LITAF: variants seen among roughly 807,000 people sequenced by gnomAD.
LITAF encodes lipopolysaccharide-induced tumor necrosis factor-alpha factor.
Under a neutral mutation model 14.5 loss-of-function variants are expected in LITAF, and 9 were observed. The ratio of observed to expected loss-of-function variants is 0.62; its 90% CI spans 0.37 to 1.08. LITAF has a LOEUF of 1.08. Among genes scored for constraint, LITAF ranks in the 50% least tolerant of loss-of-function variants. LITAF has a pLI of 0.01. For missense variants in LITAF, 206 were observed against 213.4 expected (o/e 0.97, Z 0.22); for synonymous variants, 98 against 88.2 (o/e 1.11, Z -0.62).
chr16:11,622,431 G>T (rs2065056883), intron 3 of LITAF, among the ~76,000 whole-genome samples: 1 of 152,210 alleles, frequency 6.6e-6, no homozygotes, highest in Non-Finnish European at 1.5e-5. Context: ...TGGCTGGAGA[G>T]CCCCCGGGAA....
chr16:11,596,727 A>G (rs2064890921), intron 1 of LITAF, among the ~76,000 whole-genome samples: 1 of 89,472 alleles, frequency 1.1e-5, no homozygotes, highest in Non-Finnish European at 2.2e-5. Flanking sequence ...GGAGCGTGAG[A>G]GTGAAGGAGA....
At chr16:11,564,073 A>AT (rs911167837) in intron 1 of LITAF, among the ~76,000 whole-genome samples, 19 of 151,664 alleles carry the variant, frequency 1.3e-4, no homozygotes, top group Non-Finnish European at 2.7e-4. Context: ...AACCCAGCTA[A>AT]TTTTTTTGTA....
intron 3 of LITAF, among the ~76,000 whole-genome samples, chr16:11,625,990 G>A (rs1179852177): frequency 6.6e-6 from 1 of 152,092 alleles, no homozygotes; most frequent in Non-Finnish European, 1.5e-5. Flanking sequence ...GCTGAACAGT[G>A]GCAGAACCAG....
In LITAF at chr16:11,558,606, G is replaced by A. The variant is rs2064310160; in HGVS notation, c.-5-1871C>T. 6.6e-6 allele frequency among the ~76,000 whole-genome samples: 1 copy of A among 152,122 alleles called. No individual in the cohort carries two copies. The highest frequency in any genetic ancestry group is 1.5e-5 in the Non-Finnish European group (1 of 68,020). On this transcript the variant is annotated intron_variant, in intron 1 of 3. Coordinates refer to ENST00000622633, the MANE Select transcript of LITAF (RefSeq NM_001136472.2). This position sits in a 1 kb window ranked among gnomAD's most constrained non-coding sequence, Gnocchi z 4.1. ...ACCTGTAATCCCAGCTACTTAGGAG[G>A]CTGAGGCAGGAGGATTGCTTAATCC...
At chr16:11,593,078 G>C (rs994849160) in intron 1 of LITAF, among the ~76,000 whole-genome samples, 1 of 152,118 alleles carries the variant, frequency 6.6e-6, no homozygotes, top group African/African-American at 2.4e-5. Context: ...GGCTGAGGTA[G>C]GAGAATGGCA....
chr16:11,579,459 AAAAATAAAATAAAATAAAAT>A (rs57762611), intron 1 of LITAF, among the ~76,000 whole-genome samples: 31,064 of 110,238 alleles, frequency 0.28, 7,140 homozygotes, highest in African/African-American at 0.51. Context: ...CTCCGTCTCA[AAAAATAAAATAAAATAAAAT>A]AAAATAAAAT....
chr16:11,557,102 T>C (rs561107710), intron 1 of LITAF, among the ~76,000 whole-genome samples: 1 of 152,302 alleles, frequency 6.6e-6, no homozygotes, highest in African/African-American at 2.4e-5. Context: ...TTTTTGGTTT[T>C]TAAACCACTG....
intron 3 of LITAF, among the ~76,000 whole-genome samples, chr16:11,626,890 T>A (rs193009032): frequency 2.0e-5 from 3 of 152,202 alleles, no homozygotes; most frequent in African/African-American, 7.2e-5. Context: ...TCGCTCAGGA[T>A]GGAGTGCAGT....
intron 1 of LITAF, among the ~76,000 whole-genome samples, chr16:11,585,156 G>A (rs2064788358): frequency 6.6e-6 from 1 of 151,520 alleles, no homozygotes. Context: ...AGGTGGGGTG[G>A]GGAGGGTTAG....
chr16:11,610,576 A>T (rs1203579421), intron 3 of LITAF, among the ~76,000 whole-genome samples: 1 of 152,146 alleles, frequency 6.6e-6, no homozygotes, highest in East Asian at 1.9e-4. Flanking sequence ...GCCTTCCCAG[A>T]GTGCTCAGGT....
chr16:11,613,099 G>T (rs1327409778), intron 3 of LITAF, among the ~76,000 whole-genome samples: 1 of 152,124 alleles, frequency 6.6e-6, no homozygotes, highest in Non-Finnish European at 1.5e-5. Flanking sequence ...GAGTGCAGTG[G>T]TACAATGTCG....
At chr16:11,565,568 G>A (rs937076175) in intron 1 of LITAF, among the ~76,000 whole-genome samples, 8 of 151,850 alleles carry the variant, frequency 5.3e-5, no homozygotes, top group Non-Finnish European at 1.0e-4. Flanking sequence ...AGTCCATCCC[G>A]GGCCCGTTTG....
At position 11,553,555 on chromosome 16, in the gene LITAF, A is replaced by C; in HGVS notation, c.355T>G (p.Cys119Gly). The C allele has an allele frequency of 6.2e-7, 1 of 1,614,160 alleles. No homozygotes were observed. The highest frequency in any genetic ancestry group is 8.5e-7 in the Non-Finnish European group (1 of 1,180,008). ...CACCCCAGCAGGCACAGGCTCCCGC[A>C]GGACAGCCAGGTCAGAGCACCGGCG... ...YNAGALTWLS[C>G]GSLCLLGCIA... The change falls in exon 3 of 4, where the codon TGC becomes GGC. Residue 119 changes from cysteine to glycine, a missense_variant. Cys to Gly is a radical substitution (Grantham distance 159). Transcript: ENST00000622633. The surrounding 1 kb of genome is among the most constrained non-coding windows in gnomAD (Gnocchi z 7.7).
Position 11,606,760 on chromosome 16 carries a change from G to A in LITAF, c.85+26773C>T, listed in dbSNP as rs373519930. Among the ~76,000 whole-genome samples, 26 of 151,894 alleles carry A rather than the reference G, an allele frequency of 1.7e-4. No individual in the cohort carries two copies. The South Asian group carries it at 5.2e-3, about 30-fold the overall frequency. On this transcript the variant is annotated intron_variant, in intron 3 of 3. Transcript: ENST00000574848. ...ATCGAATTTCCTGCCTCAGCCTCCC[G>A]AGTAGCTGGGACTACAGGCCCCCAC...
chr16:11,600,505 G>C (rs887826895), upstream of LITAF, among the ~76,000 whole-genome samples: 2 of 152,206 alleles, frequency 1.3e-5, no homozygotes, highest in African/African-American at 4.8e-5. The surrounding 1 kb of genome is among the most constrained non-coding windows in gnomAD (Gnocchi z 4.1). Context: ...AAACCCAAAA[G>C]CCAAGCTAGA....
rs1421883075 is a variant in LITAF at position 11,549,406 on chromosome 16, C to A, written c.*231G>T. On this transcript the variant is annotated 3_prime_UTR_variant, in exon 4 of 4. Coordinates refer to ENST00000622633, the MANE Select transcript of LITAF (RefSeq NM_001136472.2). The surrounding 1 kb of genome is among the most constrained non-coding windows in gnomAD (Gnocchi z 4.6). ...CTCAGGGAGGCAGGAAACCGTGGAA[C>A]TGACACTCAAGGGGAATGTCTTTGC... 1.7e-6 allele frequency: 1 copy of A among 580,088 alleles called. No homozygotes were observed. Among genetic ancestry groups the A allele is most frequent in the Non-Finnish European group, 3.3e-6 (1 of 306,940 alleles). The allele number at this position is 580,088 out of a possible 1,614,324, so 35.9% of individuals were successfully genotyped here. A position where few individuals can be genotyped will look rare whatever the true frequency, so the allele number is the denominator to read the frequency against.
chr16:11,551,886 A>T (rs2064187752), intron 3 of LITAF: 3 of 466,772 alleles, frequency 6.4e-6, no homozygotes, highest in African/African-American at 2.1e-5. Flanking sequence ...AAGATAAAAA[A>T]TTTGTTTTAA....
chr16:11,552,950 C>A (rs976855201), intron 3 of LITAF, among the ~76,000 whole-genome samples: 12 of 151,544 alleles, frequency 7.9e-5, no homozygotes, highest in African/African-American at 2.9e-4. Context: ...CCTATCTCTA[C>A]TAAAAGTACA....
rs771823255 is a variant in LITAF, at chr16:11,549,475, G to A, written c.*162C>T. The A allele has an allele frequency of 3.1e-5, 21 of 681,044 alleles. No homozygotes were observed. In the South Asian group the frequency reaches 3.2e-4, roughly 10 times the overall value. 42.2% of individuals were successfully genotyped at this position (681,044 alleles called of 1,614,324 possible). ...CAAGCAGCAATTTCTGGGGTTTGGA[G>A]ATTTGTTAGTTTTGCGACGTATTCC... On this transcript the variant is annotated 3_prime_UTR_variant, in exon 4 of 4. Transcript: ENST00000622633. This position sits in a 1 kb window ranked among gnomAD's most constrained non-coding sequence, Gnocchi z 4.6.
Sources: allele counts gnomAD v4.1 joint callset (sites outside exome capture counted in the v4.1 genomes callset), GRCh38; gene constraint gnomAD v4.1.1; non-coding constraint Gnocchi (gnomAD v3.1); transcripts MANE v1.5; gene names NCBI Gene and HGNC (gene_info 2026-07-23, HGNC 2026-07-21).